Variants in HMCN1 observed in about 807,000 individuals in gnomAD.
HMCN1 encodes hemicentin 1, also known as hemicentin-1.
In HMCN1, 321 loss-of-function variants were observed where a neutral mutation model predicts 625.9. The ratio of observed to expected loss-of-function variants is 0.51; its 90% confidence interval spans 0.47 to 0.56. The LOEUF (loss-of-function observed/expected upper bound fraction) is 0.56, where lower values mean the gene tolerates loss of function less well. HMCN1 is among the 20% of genes least tolerant of loss of function. The pLI, the probability that HMCN1 is intolerant of heterozygous loss-of-function variation, is 0.00. For synonymous variants in HMCN1, 2,425 were observed against 2,417.6 expected, an observed-to-expected ratio of 1.00 and a Z score of -0.09; for missense variants, 6,588 against 6,887.3, an observed-to-expected ratio of 0.96 and a Z score of 1.54.
chr1:185,853,012 G>T (rs1662256056), intron 2 of HMCN1, among the ~76,000 whole-genome samples: 1 of 151,986 alleles, frequency 6.6e-6, no homozygotes, highest in Non-Finnish European at 1.5e-5. Context: ...TCAAAATAAG[G>T]TATTTAATGC....
At chr1:186,010,344 T>C (rs1056191893) in intron 30 of HMCN1, among the ~76,000 whole-genome samples, 4 of 152,204 alleles carry the variant, frequency 2.6e-5, no homozygotes, top group African/African-American at 9.7e-5. Flanking sequence ...TATGTATGAA[T>C]TAAAATGGAA....
At chr1:185,951,842 T>C (rs1173108810) in intron 11 of HMCN1, among the ~76,000 whole-genome samples, 1 of 151,826 alleles carries the variant, frequency 6.6e-6, no homozygotes, top group African/African-American at 2.4e-5. Flanking sequence ...GTGCTGGAGA[T>C]GTGGCTGGGG....
At chr1:185,814,467 A>G (rs1275198846) in intron 1 of HMCN1, among the ~76,000 whole-genome samples, 3 of 152,186 alleles carry the variant, frequency 2.0e-5, no homozygotes, top group Non-Finnish European at 2.9e-5. Context: ...CTTAGGTATA[A>G]TTAAAGATGA....
In HMCN1 at chr1:186,165,127, G is replaced by C. The variant is rs369122627; in HGVS notation, c.15273G>C (p.Gln5091His). The change falls in exon 98 of 107, where the codon CAG becomes CAC. Residue 5091 changes from glutamine to histidine, a missense_variant. Coordinates refer to ENST00000271588, the MANE Select transcript of HMCN1 (RefSeq NM_031935.3). ...ASISKGDRSN[Q>H]CPSGFTLDSV... The stretch of plus-strand genomic sequence containing the variant: ...CTGTGGTAGGAGATCGCAGTAATCA[G>C]TGCCCCTCCGGGTTTACCTTAGACT... The C allele has an allele frequency of 3.7e-5, 60 of 1,613,968 alleles. No individual in the cohort carries two copies. The highest frequency in any genetic ancestry group is 4.7e-5 in the Non-Finnish European group (55 of 1,179,988).
intron 28 of HMCN1, 64 bp from the exon 29 acceptor site, chr1:186,003,654 C>T (rs1653341006): frequency 6.5e-7 from 1 of 1,536,720 alleles, no homozygotes; most frequent in East Asian, 2.3e-5. Flanking sequence ...TGACTGCTTT[C>T]TAACCCCATG....
At chr1:186,006,689 TA>T (rs1653655644) in intron 29 of HMCN1, among the ~76,000 whole-genome samples, 2 of 151,628 alleles carry the variant, frequency 1.3e-5, no homozygotes, top group Admixed American at 6.6e-5. Flanking sequence ...TTCTAGATAT[TA>T]TAATGATATT....
chr1:185,833,788 ATTGTTTT>A (rs1661015164), intron 1 of HMCN1, among the ~76,000 whole-genome samples: 1 of 151,938 alleles, frequency 6.6e-6, no homozygotes, highest in Non-Finnish European at 1.5e-5. Flanking sequence ...CTTTTTCTTA[ATTGTTTT>A]TTCCTGACAG....
chr1:186,019,613 G>A lies in HMCN1; in HGVS notation c.5543G>A (p.Cys1848Tyr). Residue 1848 changes from cysteine to tyrosine, a missense_variant, in exon 35 of 107, where the codon TGC (cysteine) becomes TAC (tyrosine). Cys to Tyr is a radical substitution (Grantham distance 194). Coordinates refer to ENST00000271588, the MANE Select transcript of HMCN1 (RefSeq NM_031935.3). Reference protein sequence around the residue: ...VVKYKPVALQCIANGIPNPSI... With the variant: ...VVKYKPVALQYIANGIPNPSI... ...AAATACAAGCCTGTCGCCTTGCAGT[G>A]CATAGCCAATGGGATTCCAAATCCT... 1 of 1,610,636 alleles carries A rather than the reference G, an allele frequency of 6.2e-7. No individual in the cohort carries two copies. Among genetic ancestry groups the A allele is most frequent in the Non-Finnish European group, 8.5e-7 (1 of 1,177,152 alleles).
chr1:186,054,119 T>G (rs969097293), intron 44 of HMCN1, 133 bp downstream of exon 44: 1 of 916,798 alleles, frequency 1.1e-6, no homozygotes, highest in African/African-American at 1.6e-5. Flanking sequence ...CACACACATT[T>G]AAATTGTGCT....
At chr1:185,949,113 G>A (rs1293753839) in intron 11 of HMCN1, among the ~76,000 whole-genome samples, 5 of 151,888 alleles carry the variant, frequency 3.3e-5, no homozygotes, top group African/African-American at 4.9e-5. Context: ...GCATAGTCCT[G>A]CCAGCAAAGA....
intron 30 of HMCN1, 112 bp from the exon 31 acceptor site, chr1:186,015,047 T>A (rs933861724): frequency 1.8e-5 from 17 of 938,252 alleles, no homozygotes; most frequent in Non-Finnish European, 2.9e-5. Flanking sequence ...ACAGACTTCC[T>A]AATTGTCTTT....
chr1:185,979,816 C>T (rs1651489503), intron 16 of HMCN1, among the ~76,000 whole-genome samples: 1 of 152,154 alleles, frequency 6.6e-6, no homozygotes, highest in Admixed American at 6.6e-5. Context: ...GCACTTTTCT[C>T]TGTTCAAATC....
intron 54 of HMCN1, among the ~76,000 whole-genome samples, chr1:186,077,445 G>T (rs950410545): frequency 2.0e-5 from 3 of 152,044 alleles, no homozygotes; most frequent in Non-Finnish European, 2.9e-5. Flanking sequence ...GATTATCCTT[G>T]TTATGAAATA....
At chr1:185,791,452 G>T (rs1657987081) in intron 1 of HMCN1, among the ~76,000 whole-genome samples, 3 of 152,116 alleles carry the variant, frequency 2.0e-5, no homozygotes, top group African/African-American at 7.2e-5. Flanking sequence ...GGGCACGGCG[G>T]CTGACAATTG....
chr1:186,125,919 C>A (rs1446753686), intron 82 of HMCN1, 125 bp downstream of exon 82: 3 of 709,448 alleles, frequency 4.2e-6, no homozygotes, highest in South Asian at 2.0e-5. Context: ...AAAATCAGGT[C>A]ACAAAATTAA....
At chr1:185,978,370 A>G (rs536533041) in intron 16 of HMCN1, among the ~76,000 whole-genome samples, 6 of 152,274 alleles carry the variant, frequency 3.9e-5, no homozygotes, top group South Asian at 2.1e-4. Flanking sequence ...GTCAAACAGT[A>G]CATAACAACA....
At chr1:185,987,601 A>C in intron 20 of HMCN1, 57 bp downstream of exon 20, 1 of 1,126,350 alleles carries the variant, frequency 8.9e-7, no homozygotes. Context: ...TTCACCTGCA[A>C]GTTATCCCTA....
chr1:185,864,736 C>T (rs941003361), intron 3 of HMCN1, 108 bp downstream of exon 3: 5 of 983,740 alleles, frequency 5.1e-6, no homozygotes, highest in Non-Finnish European at 7.9e-6. Flanking sequence ...TTATAACTAT[C>T]TATCCACATG....
intron 46 of HMCN1, among the ~76,000 whole-genome samples, chr1:186,060,197 A>C (rs1558185121): frequency 6.6e-6 from 1 of 152,082 alleles, no homozygotes; most frequent in African/African-American, 2.4e-5. Flanking sequence ...TTATAGAAAA[A>C]GTTCAATGTC....
Sources: allele counts gnomAD v4.1 joint callset (sites outside exome capture counted in the v4.1 genomes callset), GRCh38; gene constraint gnomAD v4.1.1; transcripts MANE v1.5; gene names NCBI Gene and HGNC (gene_info 2026-07-23, HGNC 2026-07-21).